The following CNTN3 variants were observed in gnomAD, a reference collection of about 807,000 sequenced individuals.
CNTN3 encodes contactin 3, also known as contactin-3.
CNTN3 carries 60 observed loss-of-function variants against 119.1 expected under a neutral mutation model. The observed-to-expected ratio is 0.50, with a 90% CI of 0.41 to 0.62. The LOEUF is 0.62. Ranked by LOEUF, CNTN3 falls within the 20% of genes least tolerant of loss-of-function variation. The pLI is 0.00. For missense variants in CNTN3, 1,101 were observed against 1,242.4 expected, an observed-to-expected ratio of 0.89 and a Z score of 1.71; for synonymous variants, 450 against 438.7, an observed-to-expected ratio of 1.03 and a Z score of -0.32.
chr3:74,422,774 T>G lies in CNTN3; in HGVS notation c.454+2071A>C, dbSNP rs550895137. 5.3e-5 allele frequency among the ~76,000 whole-genome samples: 8 copies of G among 152,358 alleles called. No homozygotes were observed. In the South Asian group the frequency reaches 1.2e-3, roughly 24 times the overall value. ...TGAGACAATATAAATTTAAATTATT[T>G]TGATACTTCCTTCCTAGATGTAGTT... is the stretch of plus-strand genomic sequence containing the variant. On this transcript the variant is annotated intron_variant, in intron 5 of 22. Coordinates refer to ENST00000263665, the MANE Select transcript of CNTN3 (RefSeq NM_020872.3).
chr3:74,331,263 A>G (rs1703258199), intron 13 of CNTN3, among the ~76,000 whole-genome samples: 1 of 152,162 alleles, frequency 6.6e-6, no homozygotes, highest in African/African-American at 2.4e-5. Context: ...TTCAATGTTT[A>G]GACACACAAA....
intron 6 of CNTN3, among the ~76,000 whole-genome samples, chr3:74,370,973 T>C (rs1704321989): frequency 6.6e-6 from 1 of 152,136 alleles, no homozygotes; most frequent in African/African-American, 2.4e-5. Context: ...ATTTTTACTT[T>C]GCACTGGTCC....
chr3:74,377,440 T>C (rs1467291761), intron 5 of CNTN3, among the ~76,000 whole-genome samples: 3 of 152,188 alleles, frequency 2.0e-5, no homozygotes, highest in African/African-American at 7.2e-5. Context: ...TTGCAATAAA[T>C]GTTAATTGTA....
intron 1 of CNTN3, among the ~76,000 whole-genome samples, chr3:74,567,536 G>A (rs1447831): frequency 0.12 from 18,290 of 151,978 alleles, 1,410 homozygotes; most frequent in Non-Finnish European, 0.16. Context: ...TTCCTGCTGT[G>A]TGATACATAC....
chr3:74,298,601 G>GA (rs397839322), intron 17 of CNTN3, among the ~76,000 whole-genome samples: 191 of 141,474 alleles, frequency 1.4e-3, no homozygotes, highest in Admixed American at 4.2e-3. Flanking sequence ...AGTAAAACTG[G>GA]AAAAAAAAAA....
Position 74,454,667 on chromosome 3 carries a change from G to A in CNTN3, c.359-29727C>T, listed in dbSNP as rs868771891. On this transcript the variant is annotated intron_variant, in intron 4 of 22. Transcript: ENST00000263665. ...GCTGGTACCGGTTGTTCCTTTCCAT[G>A]TCTAGTGCTTCCTTCAGGAGCTCTT... 1.1e-4 allele frequency among the ~76,000 whole-genome samples: 17 copies of A among 152,128 alleles called. 1 individual carries two copies. The Middle Eastern group carries it at 0.017, about 152-fold the overall frequency.
chr3:74,469,496 T>C (rs545304350), intron 4 of CNTN3, among the ~76,000 whole-genome samples: 2 of 151,878 alleles, frequency 1.3e-5, no homozygotes, highest in Non-Finnish European at 2.9e-5. Context: ...TTCCAACAAC[T>C]CAATAATAAA....
At chr3:74,449,614 C>T (rs185654946) in intron 4 of CNTN3, among the ~76,000 whole-genome samples, 1 of 151,980 alleles carries the variant, frequency 6.6e-6, no homozygotes. Flanking sequence ...GATCTGAGGA[C>T]CACACCTTTT....
chr3:74,346,099 G>T (rs548975482), intron 11 of CNTN3, among the ~76,000 whole-genome samples: 1 of 152,080 alleles, frequency 6.6e-6, no homozygotes, highest in African/African-American at 2.4e-5. Flanking sequence ...AAATGAAATA[G>T]AATAGAAGAT....
chr3:74,459,671 T>C lies in CNTN3; in HGVS notation c.358+26785A>G, dbSNP rs150446983. On this transcript the variant is annotated intron_variant, in intron 4 of 22. Transcript: ENST00000263665. ...CTGAAACTCTTTTCCTCTACCTTTT[T>C]ATTTTCCTCCTCACCTCCTACTCAC... Among the ~76,000 whole-genome samples, 110 of 152,098 alleles carry C rather than the reference T, an allele frequency of 7.2e-4. No homozygotes were observed. In the East Asian group the frequency reaches 0.02, roughly 27 times the overall value.
intron 5 of CNTN3, among the ~76,000 whole-genome samples, chr3:74,403,572 CCTGAT>C (rs1327405437): frequency 1.3e-5 from 2 of 152,138 alleles, no homozygotes; most frequent in Non-Finnish European, 2.9e-5. Context: ...ATCCTATCAA[CCTGAT>C]CTGGTGTTTA....
intron 5 of CNTN3, among the ~76,000 whole-genome samples, chr3:74,391,326 G>T (rs1409147326): frequency 6.6e-6 from 1 of 152,136 alleles, no homozygotes; most frequent in Non-Finnish European, 1.5e-5. Context: ...GACAGTATAG[G>T]AAGTAGTGCT....
At chr3:74,395,608 T>C (rs1224773104) in intron 5 of CNTN3, among the ~76,000 whole-genome samples, 2 of 152,232 alleles carry the variant, frequency 1.3e-5, no homozygotes, top group Non-Finnish European at 2.9e-5. Context: ...AGTTTTCTTA[T>C]CTCTGAAAAG....
chr3:74,571,476 G>A (rs2106650881), intron 1 of CNTN3, among the ~76,000 whole-genome samples: 1 of 152,184 alleles, frequency 6.6e-6, no homozygotes, highest in East Asian at 1.9e-4. Flanking sequence ...TGGAACCCTG[G>A]ATACGCTACC....
chr3:74,522,719 T>G (rs1703560830), intron 1 of CNTN3, among the ~76,000 whole-genome samples: 1 of 151,290 alleles, frequency 6.6e-6, no homozygotes, highest in South Asian at 2.1e-4. Flanking sequence ...CCCATAATAG[T>G]AGTAATTGCC....
intron 5 of CNTN3, among the ~76,000 whole-genome samples, chr3:74,389,141 G>C (rs1191560772): frequency 6.6e-6 from 1 of 152,124 alleles, no homozygotes; most frequent in Non-Finnish European, 1.5e-5. Flanking sequence ...CTGTATATGA[G>C]TAGATATTTA....
At chr3:74,591,608 G>A (rs1375964401) in intron 1 of CNTN3, among the ~76,000 whole-genome samples, 3 of 151,800 alleles carry the variant, frequency 2.0e-5, no homozygotes, top group Non-Finnish European at 4.4e-5. Context: ...GCAAGATGGA[G>A]CTGAGGAAAA....
At chr3:74,349,368 C>G (rs1559558141) in intron 11 of CNTN3, among the ~76,000 whole-genome samples, 1 of 152,098 alleles carries the variant, frequency 6.6e-6, no homozygotes, top group Admixed American at 6.5e-5. Context: ...TTAATCTTGC[C>G]TATTCAGCTC....
intron 4 of CNTN3, among the ~76,000 whole-genome samples, chr3:74,472,892 G>T (rs1199153247): frequency 2.0e-5 from 3 of 152,066 alleles, no homozygotes; most frequent in Non-Finnish European, 4.4e-5. Flanking sequence ...AGAAAATTAG[G>T]CTTCTACGGA....
Sources: allele counts gnomAD v4.1 joint callset (sites outside exome capture counted in the v4.1 genomes callset), GRCh38; gene constraint gnomAD v4.1.1; transcripts MANE v1.5; gene names NCBI Gene and HGNC (gene_info 2026-07-23, HGNC 2026-07-21).